RNF38: variants seen among roughly 807,000 people sequenced by gnomAD.
RNF38 encodes E3 ubiquitin-protein ligase RNF38.
A neutral mutation model predicts 67.2 loss-of-function variants in RNF38; 15 were observed. The observed-to-expected ratio is 0.22, with a 90% CI of 0.15 to 0.34. RNF38 has a LOEUF of 0.34. Ranked by LOEUF, RNF38 falls within the 10% of genes least tolerant of loss-of-function variation. The pLI, the probability that RNF38 is intolerant of heterozygous loss-of-function variation, is 1.00. For synonymous variants in RNF38, 220 were observed against 218.8 expected, an observed-to-expected ratio of 1.01 and a Z score of -0.05; for missense variants, 524 against 639.9, an observed-to-expected ratio of 0.82 and a Z score of 1.95.
intron 1 of RNF38, among the ~76,000 whole-genome samples, chr9:36,460,586 C>A (rs1299036909): frequency 6.6e-6 from 1 of 151,950 alleles, no homozygotes; most frequent in East Asian, 1.9e-4. Context: ...GTGACATTCA[C>A]ACATATAAAG....
intron 2 of RNF38, among the ~76,000 whole-genome samples, chr9:36,420,765 C>T (rs767135778): frequency 2.6e-5 from 4 of 151,998 alleles, no homozygotes; most frequent in Non-Finnish European, 4.4e-5. Flanking sequence ...TAAACGTTTG[C>T]CACCTAGAAA....
intron 2 of RNF38, among the ~76,000 whole-genome samples, chr9:36,418,899 G>A (rs1216113938): frequency 6.6e-6 from 1 of 151,810 alleles, no homozygotes; most frequent in Non-Finnish European, 1.5e-5. Flanking sequence ...GGCAGTGGAG[G>A]TTGCAGTGAG....
chr9:36,382,187 A>T (rs955103637), intron 2 of RNF38, among the ~76,000 whole-genome samples: 3 of 152,246 alleles, frequency 2.0e-5, no homozygotes, highest in Non-Finnish European at 4.4e-5. Flanking sequence ...TTTAAAATTC[A>T]TAAGATGTTG....
At chr9:36,352,484 A>T (rs1833772733) in intron 8 of RNF38, among the ~76,000 whole-genome samples, 1 of 152,194 alleles carries the variant, frequency 6.6e-6, no homozygotes, top group South Asian at 2.1e-4. Flanking sequence ...GTTGTAAAAG[A>T]GGCAGAAAAT....
At chr9:36,441,986 C>G (rs992182800) in intron 1 of RNF38, among the ~76,000 whole-genome samples, 1 of 152,196 alleles carries the variant, frequency 6.6e-6, no homozygotes, top group Non-Finnish European at 1.5e-5. Context: ...CTCTTAGACA[C>G]TAATGATAAT....
chr9:36,478,353 G>A (rs1367731562), intron 1 of RNF38, among the ~76,000 whole-genome samples: 4 of 137,142 alleles, frequency 2.9e-5, no homozygotes, highest in Middle Eastern at 4.9e-3. Flanking sequence ...GCAGTGAGCC[G>A]AGATCACGCC....
In RNF38 at chr9:36,365,539, C is replaced by T. The variant is rs1055180496; in HGVS notation, c.570+4180G>A. Reference sequence around the variant, plus strand: ...GCCAAGATCTCACCATTGCACTGCACTCCATCCTGGGCAAGAAGAGCGAAA... The same window carrying T: ...GCCAAGATCTCACCATTGCACTGCATTCCATCCTGGGCAAGAAGAGCGAAA... On this transcript the variant is annotated intron_variant, in intron 4 of 11. Transcript: ENST00000259605. 1.1e-4 allele frequency among the ~76,000 whole-genome samples: 17 copies of T among 152,238 alleles called. 1 individual carries two copies. The highest frequency in any genetic ancestry group is 3.9e-4 in the African/African-American group (16 of 41,548).
chr9:36,479,719 A>C (rs1304682996), intron 1 of RNF38, among the ~76,000 whole-genome samples: 1 of 152,152 alleles, frequency 6.6e-6, no homozygotes, highest in African/African-American at 2.4e-5. Flanking sequence ...GGTGGCAATA[A>C]AAATCTACAT....
At chr9:36,439,623 G>A (rs1839147665) in intron 1 of RNF38, among the ~76,000 whole-genome samples, 1 of 151,840 alleles carries the variant, frequency 6.6e-6, no homozygotes, top group Non-Finnish European at 1.5e-5. Context: ...TGACCAACAT[G>A]GCAAAACCCC....
intron 3 of RNF38, among the ~76,000 whole-genome samples, chr9:36,375,355 T>C (rs1835710175): frequency 6.6e-6 from 1 of 152,122 alleles, no homozygotes; most frequent in South Asian, 2.1e-4. Flanking sequence ...CATCCTCAGC[T>C]AATTTTTTGT....
Position 36,338,363 on chromosome 9 carries a change from CCTGTTGTATTAAA to C in RNF38, c.*1376_*1388del, listed in dbSNP as rs1219847173. The C allele has an allele frequency of 1.3e-5, 2 of 152,096 alleles. No homozygotes were observed. 9.4% of individuals were successfully genotyped at this position (152,096 alleles called of 1,614,324 possible). Reference sequence around the variant, plus strand: ...ATTTATACTGCAAGTATTCTGGACACCTGTTGTATTAAACTTTTCTCATTCAAACAAAAATTAA... The same window carrying C: ...ATTTATACTGCAAGTATTCTGGACACCTTTTCTCATTCAAACAAAAATTAA... On this transcript the variant is annotated 3_prime_UTR_variant, in exon 12 of 12. Transcript: ENST00000259605.
intron 3 of RNF38, among the ~76,000 whole-genome samples, chr9:36,370,694 C>G (rs1835310992): frequency 6.6e-6 from 1 of 151,938 alleles, no homozygotes; most frequent in Non-Finnish European, 1.5e-5. Context: ...TCCCTTGAGC[C>G]CAGGAGTTCG....
At chr9:36,352,954 T>C (rs1833812520) in intron 7 of RNF38, 106 bp from the exon 8 acceptor site, 3 of 896,476 alleles carry the variant, frequency 3.3e-6, no homozygotes, top group Non-Finnish European at 5.2e-6. Context: ...AGTTCTTTAT[T>C]GTTCAAAGTT....
intron 1 of RNF38, among the ~76,000 whole-genome samples, chr9:36,440,346 A>C (rs887972885): frequency 6.6e-6 from 1 of 152,142 alleles, no homozygotes; most frequent in Admixed American, 6.5e-5. Flanking sequence ...GAGCCTGACC[A>C]AATGTCAAAA....
chr9:36,484,994 G>A (rs1416467342), intron 1 of RNF38, among the ~76,000 whole-genome samples: 2 of 151,904 alleles, frequency 1.3e-5, no homozygotes, highest in East Asian at 3.9e-4. Context: ...ATGAAACCCC[G>A]TCTCTACTAA....
At chr9:36,472,347 T>C (rs1365537426) in intron 1 of RNF38, among the ~76,000 whole-genome samples, 2 of 152,332 alleles carry the variant, frequency 1.3e-5, no homozygotes, top group Middle Eastern at 6.8e-3. Context: ...AGAATTCATT[T>C]TTCCTTCCTA....
At chr9:36,486,143 T>C (rs527333846) in intron 1 of RNF38, among the ~76,000 whole-genome samples, 1 of 152,118 alleles carries the variant, frequency 6.6e-6, no homozygotes, top group African/African-American at 2.4e-5. Context: ...ACCCTCTCCT[T>C]TTTCCCCATT....
At chr9:36,367,644 C>A (rs1233910504) in intron 4 of RNF38, among the ~76,000 whole-genome samples, 1 of 152,042 alleles carries the variant, frequency 6.6e-6, no homozygotes, top group Non-Finnish European at 1.5e-5. Context: ...TTTTAATACA[C>A]CACTAGCTAT....
At chr9:36,398,272 G>A (rs968976850) in intron 1 of RNF38, among the ~76,000 whole-genome samples, 11 of 152,050 alleles carry the variant, frequency 7.2e-5, no homozygotes, top group African/African-American at 2.7e-4. Flanking sequence ...CTTAACAAAG[G>A]GAAAGATCTA....
Sources: gnomAD v4.1 joint callset for allele counts (sites outside exome capture counted in the v4.1 genomes callset) on GRCh38, gnomAD v4.1.1 for gene constraint, MANE v1.5 for transcripts, NCBI Gene and HGNC (gene_info 2026-07-23, HGNC 2026-07-21) for gene names.